The following DYNC1I1 variants were observed in gnomAD, a reference collection of about 807,000 sequenced individuals.
The protein encoded by DYNC1I1 is dynein cytoplasmic 1 intermediate chain 1.
A neutral mutation model predicts 86.6 loss-of-function variants in DYNC1I1; 43 were observed. The ratio of observed to expected loss-of-function variants is 0.50; its 90% CI spans 0.39 to 0.64. The LOEUF (loss-of-function observed/expected upper bound fraction) is 0.64. DYNC1I1 is among the 30% of genes least tolerant of loss of function. The pLI is 0.00. For synonymous variants in DYNC1I1, 262 were observed against 283.7 expected, an observed-to-expected ratio of 0.92 and a Z score of 0.77; for missense variants, 604 against 788.8, an observed-to-expected ratio of 0.77 and a Z score of 2.81.
intron 1 of DYNC1I1, among the ~76,000 whole-genome samples, chr7:95,774,418 C>G (rs1747410393): frequency 1.3e-5 from 2 of 152,218 alleles, no homozygotes; most frequent in Non-Finnish European, 2.9e-5. Context: ...TTCCCCACCC[C>G]CAGCCTTTCC....
chr7:96,080,366 C>T lies in DYNC1I1; in HGVS notation c.1654C>T (p.Pro552Ser), dbSNP rs141384275. ...TCTGTTGTGAACCCTTTGGCAGGTT[C>T]CAACAGCAAGTGTGGCCATTGAGGG... ...LWNLNNDTEV[P>S]TASVAIEGAS... The change falls in exon 16 of 17, where the codon CCA (proline) becomes TCA (serine). Residue 552 changes from proline to serine, a missense_variant. Transcript: ENST00000447467. 17 of 1,602,126 alleles carry T rather than the reference C, an allele frequency of 1.1e-5. No individual in the cohort carries two copies. The highest frequency in any genetic ancestry group is 5.6e-5 in the South Asian group (5 of 88,600).
At chr7:95,948,575 T>C (rs563882488) in intron 6 of DYNC1I1, among the ~76,000 whole-genome samples, 1 of 152,282 alleles carries the variant, frequency 6.6e-6, no homozygotes, top group East Asian at 1.9e-4. Flanking sequence ...AGGAAATAAG[T>C]CAGAGGAACT....
At chr7:95,937,642 T>A (rs1792083425) in intron 6 of DYNC1I1, among the ~76,000 whole-genome samples, 2 of 152,002 alleles carry the variant, frequency 1.3e-5, no homozygotes, top group Non-Finnish European at 2.9e-5. Context: ...GGTAGGAGAA[T>A]GTGCTTGAGT....
At chr7:96,098,515 A>G (rs1390681144), downstream of DYNC1I1, 5 of 789,062 alleles carry the variant, frequency 6.3e-6, no homozygotes, top group Non-Finnish European at 7.7e-6. Flanking sequence ...CATTAGAGCC[A>G]TGTTAAAGAC....
At chr7:95,784,895 T>G (rs1191033106) in intron 1 of DYNC1I1, among the ~76,000 whole-genome samples, 1 of 152,220 alleles carries the variant, frequency 6.6e-6, no homozygotes, top group African/African-American at 2.4e-5. Flanking sequence ...GAACTTTGTA[T>G]TATTCTTTCT....
chr7:96,032,601 T>A, intron 11 of DYNC1I1, 66 bp from the exon 12 acceptor site: 1 of 1,226,716 alleles, frequency 8.2e-7, no homozygotes, highest in Non-Finnish European at 1.2e-6. Context: ...GTAATGTGTT[T>A]GACACTCAAA....
chr7:95,786,585 G>A (rs1412513592), intron 1 of DYNC1I1, among the ~76,000 whole-genome samples: 1 of 152,092 alleles, frequency 6.6e-6, no homozygotes, highest in Non-Finnish European at 1.5e-5. Context: ...TCATTATACC[G>A]AATTAACATA....
At chr7:95,918,907 A>T (rs1481868357) in intron 6 of DYNC1I1, among the ~76,000 whole-genome samples, 1 of 152,154 alleles carries the variant, frequency 6.6e-6, no homozygotes, top group African/African-American at 2.4e-5. Context: ...TTTAATAGAC[A>T]ATGTATCAGA....
chr7:95,954,585 T>G (rs890427890), intron 6 of DYNC1I1, among the ~76,000 whole-genome samples: 2 of 152,114 alleles, frequency 1.3e-5, no homozygotes, highest in Admixed American at 6.5e-5. Context: ...TTTTTAATAT[T>G]CTGACTTTAT....
intron 6 of DYNC1I1, 83 bp from the exon 7 acceptor site, chr7:95,977,429 C>T: frequency 7.6e-7 from 1 of 1,313,514 alleles, no homozygotes; most frequent in East Asian, 2.4e-5. Flanking sequence ...GAACTTTACC[C>T]TTTACCCCTA....
At chr7:95,970,730 G>A (rs1793145135) in intron 6 of DYNC1I1, among the ~76,000 whole-genome samples, 1 of 152,120 alleles carries the variant, frequency 6.6e-6, no homozygotes, top group Non-Finnish European at 1.5e-5. Context: ...TGTACTTAAC[G>A]TTGATAATAT....
chr7:95,966,661 A>G (rs1271647810), intron 6 of DYNC1I1, among the ~76,000 whole-genome samples: 1 of 152,236 alleles, frequency 6.6e-6, no homozygotes, highest in Non-Finnish European at 1.5e-5. Flanking sequence ...CGGTTTTCTC[A>G]TACATAGAGA....
intron 1 of DYNC1I1, among the ~76,000 whole-genome samples, chr7:95,794,078 A>T (rs1308891509): frequency 1.3e-5 from 2 of 152,140 alleles, no homozygotes; most frequent in East Asian, 3.9e-4. Context: ...TAAGTATACG[A>T]TTTATCTTTC....
At chr7:96,036,536 T>G (rs1480219199) in intron 13 of DYNC1I1, among the ~76,000 whole-genome samples, 2 of 152,214 alleles carry the variant, frequency 1.3e-5, no homozygotes, top group Non-Finnish European at 2.9e-5. Context: ...TAATCGTATT[T>G]TAGTTTATTC....
intron 13 of DYNC1I1, among the ~76,000 whole-genome samples, chr7:96,038,933 T>G (rs913677925): frequency 2.6e-5 from 4 of 152,194 alleles, no homozygotes; most frequent in African/African-American, 9.6e-5. Flanking sequence ...ATATAAAAGC[T>G]TCAGAGACCT....
At position 95,808,212 on chromosome 7, in the gene DYNC1I1, A is replaced by G. The variant is rs143915343; in HGVS notation, c.109-2180A>G. ...TATAGAGAATCAGAAATAGCTTTAA[A>G]TAGTCTTGATTTTTATAAACTTTCT... is the stretch of plus-strand genomic sequence containing the variant. On this transcript the variant is annotated intron_variant, in intron 2 of 16. Transcript: ENST00000447467. Among the ~76,000 whole-genome samples, 282 of 152,286 alleles carry G rather than the reference A, an allele frequency of 1.9e-3. 2 individuals carry two copies. The highest frequency in any genetic ancestry group is 6.4e-3 in the African/African-American group (265 of 41,572).
intron 6 of DYNC1I1, among the ~76,000 whole-genome samples, chr7:95,883,314 A>G (rs10249566): frequency 0.11 from 17,207 of 152,178 alleles, 995 homozygotes; most frequent in Admixed American, 0.18. Flanking sequence ...GATCTTGGCT[A>G]TTGTTAAGTG....
chr7:95,924,037 GC>G (rs970744415), intron 6 of DYNC1I1, among the ~76,000 whole-genome samples: 5 of 151,866 alleles, frequency 3.3e-5, no homozygotes, highest in African/African-American at 1.2e-4. Context: ...GTACTTTGGG[GC>G]CATTATTGAG....
chr7:95,871,894 C>T (rs1305913690), intron 6 of DYNC1I1, among the ~76,000 whole-genome samples: 2 of 152,214 alleles, frequency 1.3e-5, no homozygotes, highest in South Asian at 2.1e-4. Context: ...AGGGCATTTA[C>T]ATGGTTCAGA....
Sources: allele counts gnomAD v4.1 joint callset (sites outside exome capture counted in the v4.1 genomes callset), GRCh38; gene constraint gnomAD v4.1.1; transcripts MANE v1.5; gene names NCBI Gene and HGNC (gene_info 2026-07-23, HGNC 2026-07-21).